Variants in ATXN1 observed in about 807,000 individuals in gnomAD.
ATXN1 encodes the protein ataxin-1.
In ATXN1, 8 loss-of-function variants were observed where a neutral mutation model predicts 56.4. That is an observed-to-expected ratio of 0.14 (90% confidence interval 0.08 to 0.26). The LOEUF is 0.26. Among genes scored for constraint, ATXN1 ranks in the 10% least tolerant of loss-of-function variants. The pLI, the probability that ATXN1 is intolerant of heterozygous loss-of-function variation, is 1.00. For missense variants in ATXN1, 987 were observed against 1,106.5 expected (o/e 0.89, Z 1.53); for synonymous variants, 514 against 494.6 (o/e 1.04, Z -0.52).
rs1554138047 is a variant in ATXN1 at position 16,327,675 on chromosome 6, C to CTGCTGA, written c.635_636insTCAGCA (p.His211_Gln212insHisGln). On this transcript the variant is annotated inframe_insertion, in exon 7 of 8. Coordinates refer to ENST00000436367, the MANE Select transcript of ATXN1 (RefSeq NM_001128164.2). ...GCTGCTGCTGCTGCTGCTGCTGCTG[C>CTGCTGA]TGATGCTGATGCTGCTGCTGCTGCT... The CTGCTGA allele has an allele frequency of 1.3e-6, 2 of 1,515,062 alleles. No individual in the cohort carries two copies. The highest frequency in any genetic ancestry group is 2.7e-5 in the East Asian group (1 of 37,220). 93.9% of individuals were successfully genotyped at this position (1,515,062 alleles called of 1,614,324 possible).
intron 2 of ATXN1, among the ~76,000 whole-genome samples, chr6:16,722,247 A>C (rs1367322952): frequency 6.6e-6 from 1 of 152,206 alleles, no homozygotes; most frequent in East Asian, 1.9e-4. Context: ...GCAACAGGAG[A>C]TGCATTCATT....
At chr6:16,412,878 T>G (rs1416679470) in intron 6 of ATXN1, among the ~76,000 whole-genome samples, 5 of 152,224 alleles carry the variant, frequency 3.3e-5, no homozygotes, top group Non-Finnish European at 1.5e-5. Flanking sequence ...GGAGAGAGTT[T>G]GCTCCTCTCT....
At chr6:16,503,695 C>A (rs1042686620) in intron 5 of ATXN1, among the ~76,000 whole-genome samples, 3 of 152,076 alleles carry the variant, frequency 2.0e-5, no homozygotes, top group African/African-American at 7.2e-5. Context: ...ACAGTGGCTT[C>A]ATAAATATTT....
At chr6:16,646,777 C>T (rs1763804379) in intron 3 of ATXN1, among the ~76,000 whole-genome samples, 1 of 152,244 alleles carries the variant, frequency 6.6e-6, no homozygotes, top group Non-Finnish European at 1.5e-5. Context: ...TGTGTTCCCA[C>T]AGCATTGCTT....
At chr6:16,759,981 C>T (rs1761021238) in intron 1 of ATXN1, among the ~76,000 whole-genome samples, 1 of 151,962 alleles carries the variant, frequency 6.6e-6, no homozygotes, top group African/African-American at 2.4e-5. Context: ...CCGCCCGGCG[C>T]GCGCGCGCAC....
intron 4 of ATXN1, among the ~76,000 whole-genome samples, chr6:16,526,064 T>TATATATATATATATATATATATAC (rs370698828): frequency 5.0e-4 from 67 of 133,272 alleles, no homozygotes; most frequent in African/African-American, 1.8e-3. Flanking sequence ...TATATATATA[T>TATATATATATATATATATATATAC]ACATACATAC....
intron 6 of ATXN1, among the ~76,000 whole-genome samples, chr6:16,338,905 T>C (rs1761183520): frequency 1.3e-5 from 2 of 152,168 alleles, no homozygotes; most frequent in Admixed American, 6.5e-5. Context: ...CAGACCCCTA[T>C]GCACACCAAC....
At chr6:16,402,248 T>G (rs6928232) in intron 6 of ATXN1, among the ~76,000 whole-genome samples, 12,961 of 30,996 alleles carry the variant, frequency 0.42, 1,162 homozygotes, top group South Asian at 0.54. Flanking sequence ...GACAGTTTTT[T>G]TTTTTTTTTT....
At chr6:16,488,887 GGA>G (rs1386713093) in intron 5 of ATXN1, among the ~76,000 whole-genome samples, 1 of 152,130 alleles carries the variant, frequency 6.6e-6, no homozygotes. Flanking sequence ...CACTCAGAAA[GGA>G]GAGAGAGAAC....
chr6:16,394,646 C>G (rs1300978297), intron 6 of ATXN1, among the ~76,000 whole-genome samples: 1 of 152,186 alleles, frequency 6.6e-6, no homozygotes, highest in Non-Finnish European at 1.5e-5. Context: ...AAATTCAGCT[C>G]TGTTTAAGTC....
At chr6:16,566,612 G>C (rs1312549107) in intron 4 of ATXN1, among the ~76,000 whole-genome samples, 1 of 152,114 alleles carries the variant, frequency 6.6e-6, no homozygotes, top group Non-Finnish European at 1.5e-5. Context: ...CCAGCACTTT[G>C]GGAGGCCACG....
At chr6:16,585,306 A>T (rs1398089927) in intron 4 of ATXN1, among the ~76,000 whole-genome samples, 3 of 152,130 alleles carry the variant, frequency 2.0e-5, no homozygotes, top group Admixed American at 2.0e-4. Flanking sequence ...AAGGGATATA[A>T]ATTAAATAAA....
At chr6:16,708,353 T>A (rs1209038899) in intron 2 of ATXN1, among the ~76,000 whole-genome samples, 1 of 148,380 alleles carries the variant, frequency 6.7e-6, no homozygotes, top group Non-Finnish European at 1.5e-5. Flanking sequence ...AAAATGTAAT[T>A]AGCAATTAAG....
intron 2 of ATXN1, among the ~76,000 whole-genome samples, chr6:16,668,290 A>C (rs143175820): frequency 0.023 from 3,481 of 151,864 alleles, 72 homozygotes; most frequent in Middle Eastern, 0.088. Context: ...GTGTGCTGCA[A>C]CCATTAACTC....
At chr6:16,378,167 CT>C (rs1161650184) in intron 6 of ATXN1, among the ~76,000 whole-genome samples, 1 of 152,200 alleles carries the variant, frequency 6.6e-6, no homozygotes, top group Non-Finnish European at 1.5e-5. Flanking sequence ...TGGCCAAGTT[CT>C]AATTCTTGCA....
At chr6:16,500,677 T>C (rs1197635306) in intron 5 of ATXN1, among the ~76,000 whole-genome samples, 4 of 148,734 alleles carry the variant, frequency 2.7e-5, no homozygotes, top group African/African-American at 7.5e-5. Flanking sequence ...TTCAGAGATG[T>C]AGTAATTCTT....
intron 6 of ATXN1, among the ~76,000 whole-genome samples, chr6:16,384,061 A>G (rs1486656473): frequency 6.6e-6 from 1 of 152,208 alleles, no homozygotes; most frequent in African/African-American, 2.4e-5. Context: ...TTGCACATCC[A>G]GGAAAGCCAA....
At chr6:16,626,856 G>A (rs567559518) in intron 3 of ATXN1, among the ~76,000 whole-genome samples, 3 of 152,288 alleles carry the variant, frequency 2.0e-5, no homozygotes, top group South Asian at 2.1e-4. Flanking sequence ...GGAAGCCCAC[G>A]AGAGGACACA....
In ATXN1 at chr6:16,563,378, A is replaced by T. The variant is rs151018532; in HGVS notation, c.-361+22402T>A. ...GTGCAGGTGATGGGGATCATGCAGG[A>T]TTGGTGCCTGGAAAGGAATGCATGG... On this transcript the variant is annotated intron_variant, in intron 4 of 7. Coordinates refer to ENST00000436367, the MANE Select transcript of ATXN1 (RefSeq NM_001128164.2). Among the ~76,000 whole-genome samples, 1,459 of 152,194 alleles carry T rather than the reference A, an allele frequency of 9.6e-3. 18 individuals are homozygous for T. The highest frequency in any genetic ancestry group is 0.033 in the African/African-American group (1,353 of 41,512).
Sources: gnomAD v4.1 joint callset for allele counts (sites outside exome capture counted in the v4.1 genomes callset) on GRCh38, gnomAD v4.1.1 for gene constraint, MANE v1.5 for transcripts, NCBI Gene and HGNC (gene_info 2026-07-23, HGNC 2026-07-21) for gene names.